The following KCNAB1 variants were observed in gnomAD, a reference collection of about 807,000 sequenced individuals.
KCNAB1 encodes the protein potassium voltage-gated channel subfamily A regulatory beta subunit 1.
A neutral mutation model predicts 64.6 loss-of-function variants in KCNAB1; 35 were observed. The observed-to-expected ratio is 0.54, with a 90% confidence interval of 0.41 to 0.72. The LOEUF (loss-of-function observed/expected upper bound fraction) is 0.72. Ranked by LOEUF, KCNAB1 falls within the 30% of genes least tolerant of loss-of-function variation. The pLI, the probability that KCNAB1 is intolerant of heterozygous loss-of-function variation, is 0.00. For missense variants in KCNAB1, 401 were observed against 512.9 expected, an observed-to-expected ratio of 0.78 and a Z score of 2.11; for synonymous variants, 177 against 183.8, an observed-to-expected ratio of 0.96 and a Z score of 0.30.
At chr3:156,484,327 C>T (rs1430346110) in intron 8 of KCNAB1, among the ~76,000 whole-genome samples, 2 of 151,600 alleles carry the variant, frequency 1.3e-5, no homozygotes, top group African/African-American at 2.4e-5. Context: ...ATGCTTTTTT[C>T]TTCTTCTTCT....
intron 1 of KCNAB1, among the ~76,000 whole-genome samples, chr3:156,218,820 T>A (rs60349906): frequency 0.1 from 13,020 of 128,954 alleles, 721 homozygotes; most frequent in Non-Finnish European, 0.14. Flanking sequence ...TAAAATAAAA[T>A]AAAAATAAAT....
chr3:156,211,217 G>T (rs1161177225), intron 1 of KCNAB1, among the ~76,000 whole-genome samples: 1 of 151,986 alleles, frequency 6.6e-6, no homozygotes, highest in Non-Finnish European at 1.5e-5. Context: ...CTTATTCTGG[G>T]GAACTATATA....
Position 156,465,585 on chromosome 3 carries a change from T to C in KCNAB1, c.528-58T>C, listed in dbSNP as rs1489697781. The C allele has an allele frequency of 2.7e-6, 4 of 1,484,236 alleles. No individual in the cohort carries two copies. The East Asian group carries it at 6.8e-5, about 25-fold the overall frequency. The allele number at this position is 1,484,236 out of a possible 1,614,324, so 91.9% of individuals were successfully genotyped here. A position where few individuals can be genotyped will look rare whatever the true frequency, so the allele number is the denominator to read the frequency against. On this transcript the variant is annotated intron_variant, in intron 6 of 13. Coordinates refer to ENST00000490337, the MANE Select transcript of KCNAB1 (RefSeq NM_172160.3). ...AAATTAGCAATTCAGACCAGAGATT[T>C]AGAGAAGAAAAGAAAGCACACTCTC...
At chr3:156,434,086 G>T (rs1414007140) in intron 2 of KCNAB1, among the ~76,000 whole-genome samples, 3 of 152,148 alleles carry the variant, frequency 2.0e-5, no homozygotes, top group African/African-American at 7.2e-5. Flanking sequence ...CCTGGAGAGG[G>T]AGCCATGTGG....
chr3:156,185,149 C>T (rs1211350895), intron 1 of KCNAB1, among the ~76,000 whole-genome samples: 3 of 152,214 alleles, frequency 2.0e-5, no homozygotes, highest in African/African-American at 7.2e-5. Context: ...TACCTGTTGT[C>T]TTCAGTGACC....
At chr3:156,501,620 C>G (rs544595467) in intron 8 of KCNAB1, among the ~76,000 whole-genome samples, 1 of 151,476 alleles carries the variant, frequency 6.6e-6, no homozygotes, top group African/African-American at 2.4e-5. Context: ...TTAGTAGAGA[C>G]GGGGTTTCAC....
At chr3:156,380,587 T>C (rs563419052) in intron 1 of KCNAB1, among the ~76,000 whole-genome samples, 1 of 152,182 alleles carries the variant, frequency 6.6e-6, no homozygotes, top group Non-Finnish European at 1.5e-5. Context: ...TGTGCAAATA[T>C]TTGCAGCAGG....
intron 8 of KCNAB1, among the ~76,000 whole-genome samples, chr3:156,513,315 TCTA>T (rs1717340232): frequency 6.6e-6 from 1 of 152,078 alleles, no homozygotes; most frequent in African/African-American, 2.4e-5. Context: ...TCCGTATCAA[TCTA>T]GACAGTGCCT....
At chr3:156,529,188 A>G (rs563695092) in intron 12 of KCNAB1, among the ~76,000 whole-genome samples, 5 of 152,342 alleles carry the variant, frequency 3.3e-5, no homozygotes, top group African/African-American at 1.2e-4. Context: ...ACATAGTGCA[A>G]CACGGAAAAA....
chr3:156,178,316 G>T lies in KCNAB1; in HGVS notation c.275+57430G>T, dbSNP rs534284088. Among the ~76,000 whole-genome samples the T allele has an allele frequency of 4.6e-5, 7 of 152,300 alleles. No homozygotes were observed. The East Asian group carries it at 1.4e-3, about 29-fold the overall frequency. ...AGAAACTGGGGTTGAGAACTATCAG[G>T]CAAGGAGACCTCTACAATGACCTCT... On this transcript the variant is annotated intron_variant, in intron 1 of 13. Coordinates refer to ENST00000490337, the MANE Select transcript of KCNAB1 (RefSeq NM_172160.3).
At chr3:156,393,991 T>C (rs1713242073) in intron 1 of KCNAB1, among the ~76,000 whole-genome samples, 1 of 152,188 alleles carries the variant, frequency 6.6e-6, no homozygotes. Context: ...ATGCAGGAAT[T>C]AGATGACCTG....
At chr3:156,287,534 C>T (rs1181764302) in intron 1 of KCNAB1, among the ~76,000 whole-genome samples, 2 of 151,824 alleles carry the variant, frequency 1.3e-5, no homozygotes, top group African/African-American at 2.4e-5. Context: ...ACAATGTGCT[C>T]CAAAAAAGAG....
chr3:156,405,336 G>C, intron 1 of KCNAB1, among the ~76,000 whole-genome samples: 1 of 152,128 alleles, frequency 6.6e-6, no homozygotes, highest in Non-Finnish European at 1.5e-5. Context: ...TTACTGCAGG[G>C]GCCAGAGCCC....
intron 8 of KCNAB1, among the ~76,000 whole-genome samples, chr3:156,497,291 A>G (rs1194806504): frequency 6.6e-6 from 1 of 152,130 alleles, no homozygotes; most frequent in East Asian, 1.9e-4. Context: ...GTGCCATGGC[A>G]CAACCAGGAA....
chr3:156,253,256 C>T (rs1394382028), intron 1 of KCNAB1, among the ~76,000 whole-genome samples: 1 of 152,052 alleles, frequency 6.6e-6, no homozygotes, highest in African/African-American at 2.4e-5. Context: ...TTTGTTTCAC[C>T]ATGTCATCTC....
intron 1 of KCNAB1, among the ~76,000 whole-genome samples, chr3:156,274,808 CA>C (rs1719248040): frequency 6.6e-6 from 1 of 152,196 alleles, no homozygotes; most frequent in Non-Finnish European, 1.5e-5. Flanking sequence ...ATAATCACCA[CA>C]ACCAAGGTAA....
At chr3:156,212,915 G>A (rs1351357568) in intron 1 of KCNAB1, among the ~76,000 whole-genome samples, 1 of 152,024 alleles carries the variant, frequency 6.6e-6, no homozygotes, top group East Asian at 1.9e-4. Flanking sequence ...GTGCAAAATT[G>A]TGACTGTGTC....
chr3:156,154,225 CAG>C (rs1560110467), intron 1 of KCNAB1, among the ~76,000 whole-genome samples: 1 of 8,526 alleles, frequency 1.2e-4, no homozygotes, highest in Non-Finnish European at 2.5e-4. Flanking sequence ...AGAAGTAGTG[CAG>C]ATAGTAGTGC....
At chr3:156,248,620 T>C (rs1168303480) in intron 1 of KCNAB1, among the ~76,000 whole-genome samples, 1 of 152,126 alleles carries the variant, frequency 6.6e-6, no homozygotes, top group Non-Finnish European at 1.5e-5. Context: ...TAATACCTAA[T>C]TCAATATAAT....
Sources: gnomAD v4.1 joint callset for allele counts (sites outside exome capture counted in the v4.1 genomes callset) on GRCh38, gnomAD v4.1.1 for gene constraint, MANE v1.5 for transcripts, NCBI Gene and HGNC (gene_info 2026-07-23, HGNC 2026-07-21) for gene names.